The following SLC41A3 variants were observed in gnomAD, a reference collection of about 807,000 sequenced individuals.
SLC41A3 encodes the protein SLC41A1-like 2.
In SLC41A3, 44 loss-of-function variants were observed where a neutral mutation model predicts 45.4. That is an observed-to-expected ratio of 0.97 (90% CI 0.76 to 1.25). The LOEUF is 1.25. Among genes scored for constraint, SLC41A3 ranks in the 50% most tolerant of loss-of-function variants. SLC41A3 has a pLI of 0.00. For missense variants in SLC41A3, 550 were observed against 600.6 expected (o/e 0.92, Z 0.88); for synonymous variants, 256 against 252.4 (o/e 1.01, Z -0.13).
intron 2 of SLC41A3, among the ~76,000 whole-genome samples, chr3:126,064,487 C>A (rs936772637): frequency 2.0e-5 from 3 of 152,126 alleles, no homozygotes; most frequent in African/African-American, 7.2e-5. Context: ...GGTATGAGGA[C>A]TAACAAATTG....
chr3:126,056,165 G>A (rs1418935412), intron 2 of SLC41A3, among the ~76,000 whole-genome samples: 1 of 152,160 alleles, frequency 6.6e-6, no homozygotes, highest in East Asian at 1.9e-4. Context: ...AATCTCTAAT[G>A]CTGAGGTCTC....
chr3:126,074,202 T>C (rs900234201), intron 1 of SLC41A3, among the ~76,000 whole-genome samples: 2 of 151,800 alleles, frequency 1.3e-5, no homozygotes, highest in African/African-American at 4.8e-5. Flanking sequence ...GATGAGGACA[T>C]TCCCTTCTAT....
Position 126,022,859 on chromosome 3 carries a change from A to C in SLC41A3, c.672T>G (p.Ile224Met), listed in dbSNP as rs1480320874. 1 of 1,614,096 alleles carries C rather than the reference A, an allele frequency of 6.2e-7. No homozygotes were observed. The change falls in exon 6 of 11, where the codon ATT becomes ATG. Residue 224 changes from isoleucine (I) to methionine (M), a missense_variant. Coordinates refer to ENST00000360370, the MANE Select transcript of SLC41A3 (RefSeq NM_017836.4). The part of the protein sequence containing the change: ...GVNPDNIATP[I>M]AASLGDLITL... ...TGATGAGGTCTCCCAGGCTGGCTGC[A>C]ATGGGCGTGGCAATGTTGTCTGGGT...
At chr3:126,038,895 T>G (rs575614096) in intron 3 of SLC41A3, among the ~76,000 whole-genome samples, 108 of 152,226 alleles carry the variant, frequency 7.1e-4, no homozygotes, top group South Asian at 4.4e-3. Context: ...GTTTGGGTCA[T>G]GGGGGTGGAT....
chr3:126,011,903 G>GT (rs35545111), intron 9 of SLC41A3, among the ~76,000 whole-genome samples: 33,021 of 152,188 alleles, frequency 0.22, 4,036 homozygotes, highest in Non-Finnish European at 0.27. Flanking sequence ...CCAAAACAAT[G>GT]TAACAGGAAA....
At chr3:126,059,278 G>GAAAGAAAGAA (rs1943896185) in intron 2 of SLC41A3, among the ~76,000 whole-genome samples, 1 of 140,624 alleles carries the variant, frequency 7.1e-6, no homozygotes, top group African/African-American at 2.7e-5. Flanking sequence ...AAGAAAGAAA[G>GAAAGAAAGAA]AAAGAAAGAA....
chr3:126,043,787 T>A (rs1470984681), intron 3 of SLC41A3, among the ~76,000 whole-genome samples: 1 of 124,926 alleles, frequency 8.0e-6, no homozygotes, highest in African/African-American at 3.0e-5. Flanking sequence ...AAGAAGGCAA[T>A]CAAAACATAT....
intron 1 of SLC41A3, among the ~76,000 whole-genome samples, chr3:126,083,219 C>G (rs1313675379): frequency 6.6e-6 from 1 of 152,118 alleles, no homozygotes; most frequent in Non-Finnish European, 1.5e-5. Flanking sequence ...GGGACCCACC[C>G]CCAAGGTTTA....
chr3:126,097,976 C>A (rs1487106485), intron 1 of SLC41A3, among the ~76,000 whole-genome samples: 1 of 152,204 alleles, frequency 6.6e-6, no homozygotes, highest in Non-Finnish European at 1.5e-5. Context: ...GTTCAGGAAT[C>A]CAGAGGCCTG....
Position 126,006,791 on chromosome 3 carries a change from A to G in SLC41A3, c.*225T>C. On this transcript the variant is annotated 3_prime_UTR_variant, in exon 11 of 11. Coordinates refer to ENST00000360370, the MANE Select transcript of SLC41A3 (RefSeq NM_017836.4). Reference sequence around the variant, plus strand: ...CGCTCATTAAGCATGTGCACACATCATATTCACACACTCAAGCCATGCTCT... The same window carrying G: ...CGCTCATTAAGCATGTGCACACATCGTATTCACACACTCAAGCCATGCTCT... 1 of 1,443,192 alleles carries G rather than the reference A, an allele frequency of 6.9e-7. No individual in the cohort carries two copies. Among genetic ancestry groups the G allele is most frequent in the Non-Finnish European group, 9.1e-7 (1 of 1,104,734 alleles). The allele number at this position is 1,443,192 out of a possible 1,614,324, so 89.4% of individuals were successfully genotyped here.
intron 1 of SLC41A3, among the ~76,000 whole-genome samples, chr3:126,097,874 AC>A (rs1252516336): frequency 1.3e-5 from 2 of 152,158 alleles, no homozygotes; most frequent in African/African-American, 4.8e-5. Flanking sequence ...ACTTCTTGGG[AC>A]CTTGGTAAGT....
At chr3:126,014,739 C>T (rs1031554364) in intron 8 of SLC41A3, among the ~76,000 whole-genome samples, 1 of 152,188 alleles carries the variant, frequency 6.6e-6, no homozygotes, top group Non-Finnish European at 1.5e-5. Flanking sequence ...TTCTTCAGTC[C>T]CTGCAGGCCA....
intron 3 of SLC41A3, 32 bp downstream of exon 3, chr3:126,050,910 GT>G (rs780443558): frequency 4.4e-6 from 7 of 1,595,250 alleles, no homozygotes; most frequent in Non-Finnish European, 6.0e-6. Context: ...GCCTCACGTT[GT>G]GGCCGCCTCG....
chr3:126,034,631 T>C (rs1181322609), intron 3 of SLC41A3, among the ~76,000 whole-genome samples: 3 of 152,164 alleles, frequency 2.0e-5, no homozygotes, highest in African/African-American at 7.2e-5. Context: ...GGAGGCAGGG[T>C]AGAGACTCAG....
In SLC41A3 at chr3:126,067,099, CCG is replaced by C. The variant is rs1559877860; in HGVS notation, c.273+846_273+847del. On this transcript the variant is annotated intron_variant, in intron 2 of 10. Coordinates refer to ENST00000360370, the MANE Select transcript of SLC41A3 (RefSeq NM_017836.4). ...AGGGTCTGTGGGTTGGACCGCCCCC[CCG>C]CCCCCCGCCCCGGCCACCGCACCAC... Among the ~76,000 whole-genome samples the C allele has an allele frequency of 2.6e-3, 172 of 65,328 alleles. 6 individuals are homozygous for C. Among genetic ancestry groups the C allele is most frequent in the African/African-American group, 9.8e-3 (163 of 16,648 alleles). The allele number at this position is 65,328 out of a possible 152,430, so 42.9% of individuals were successfully genotyped here.
intron 2 of SLC41A3, among the ~76,000 whole-genome samples, chr3:126,063,593 G>T (rs1944183535): frequency 6.6e-6 from 1 of 152,158 alleles, no homozygotes; most frequent in Non-Finnish European, 1.5e-5. Flanking sequence ...CCCCACTTGG[G>T]GGTAGAGAGC....
At position 126,052,280 on chromosome 3, in the gene SLC41A3, A is replaced by G. The variant is rs117579663; in HGVS notation, c.274-1230T>C. On this transcript the variant is annotated intron_variant, in intron 2 of 10. Coordinates refer to ENST00000360370, the MANE Select transcript of SLC41A3 (RefSeq NM_017836.4). Reference sequence around the variant, plus strand: ...TCCTCTCAGCCTGCACACCCTCCACATAGGGTGGGCCTCCGTCCTCAGCAG... The same window carrying G: ...TCCTCTCAGCCTGCACACCCTCCACGTAGGGTGGGCCTCCGTCCTCAGCAG... 7.4e-4 allele frequency among the ~76,000 whole-genome samples: 112 copies of G among 152,120 alleles called. 1 individual carries two copies. In the East Asian group the frequency reaches 0.02, roughly 27 times the overall value.
At chr3:126,030,255 CATATA>C (rs1941698876) in intron 4 of SLC41A3, among the ~76,000 whole-genome samples, 1 of 143,670 alleles carries the variant, frequency 7.0e-6, no homozygotes, top group African/African-American at 2.6e-5. Flanking sequence ...AACTTTATAA[CATATA>C]ATATATATGA....
rs758330708 is a variant in SLC41A3 at position 126,022,936 on chromosome 3, C to CAG, written c.599-6_599-5dup. On this transcript the variant is annotated splice_region_variant and splice_polypyrimidine_tract_variant and intron_variant, in intron 5 of 10. Coordinates refer to ENST00000360370, the MANE Select transcript of SLC41A3 (RefSeq NM_017836.4). ...ACTATACAGACCATCAGCACCCCTG[C>CAG]AGAGAGAGAGAGGAGAAACAGCAGA... 90 of 1,611,504 alleles carry CAG rather than the reference C, an allele frequency of 5.6e-5. No homozygotes were observed. The highest frequency in any genetic ancestry group is 3.9e-4 in the African/African-American group (29 of 74,944).
Sources: gnomAD v4.1 joint callset for allele counts (sites outside exome capture counted in the v4.1 genomes callset) on GRCh38, gnomAD v4.1.1 for gene constraint, MANE v1.5 for transcripts, NCBI Gene and HGNC (gene_info 2026-07-23, HGNC 2026-07-21) for gene names.